The following ROBO1 variants were observed in gnomAD, a reference collection of about 807,000 sequenced individuals.
ROBO1 encodes the protein roundabout homolog 1.
ROBO1 carries 149 observed loss-of-function variants against 195.9 expected under a neutral mutation model. That is an observed-to-expected ratio of 0.76 (90% CI 0.67 to 0.87). ROBO1 has a LOEUF of 0.87. ROBO1 is among the 40% of genes least tolerant of loss of function. The pLI, the probability that ROBO1 is intolerant of heterozygous loss-of-function variation, is 0.00. For missense variants in ROBO1, 1,933 were observed against 2,068.3 expected (o/e 0.93, Z 1.27); for synonymous variants, 816 against 733.2 (o/e 1.11, Z -1.82).
At chr3:78,796,317 TA>T (rs531184943) in intron 4 of ROBO1, among the ~76,000 whole-genome samples, 3 of 38,758 alleles carry the variant, frequency 7.7e-5, no homozygotes, top group Non-Finnish European at 5.1e-5. Flanking sequence ...CACCTCTGGC[TA>T]AAAAAAAAAT....
chr3:79,255,143 G>C (rs1164815894), intron 2 of ROBO1, among the ~76,000 whole-genome samples: 1 of 152,118 alleles, frequency 6.6e-6, no homozygotes, highest in Non-Finnish European at 1.5e-5. Flanking sequence ...TATAAAGCCA[G>C]GATGAAAAAT....
chr3:79,745,047 G>A (rs1047489745), intron 1 of ROBO1, among the ~76,000 whole-genome samples: 8 of 152,202 alleles, frequency 5.3e-5, no homozygotes, highest in African/African-American at 1.9e-4. Context: ...AAGGGTGCTA[G>A]TTAAGTGTTT....
intron 3 of ROBO1, chr3:79,018,892 G>C (rs970331956): frequency 1.0e-6 from 1 of 994,470 alleles, no homozygotes; most frequent in Non-Finnish European, 1.2e-6. Flanking sequence ...AGCTGCTGAG[G>C]GAGGGCCAAA....
At chr3:79,266,883 A>G (rs1053039961) in intron 2 of ROBO1, among the ~76,000 whole-genome samples, 1 of 151,672 alleles carries the variant, frequency 6.6e-6, no homozygotes, top group African/African-American at 2.4e-5. Flanking sequence ...AGGGATAACT[A>G]TTTAAAAATC....
At chr3:79,561,746 C>A (rs180758137) in intron 2 of ROBO1, among the ~76,000 whole-genome samples, 2 of 152,158 alleles carry the variant, frequency 1.3e-5, no homozygotes, top group Admixed American at 1.3e-4. Context: ...AAATTAACAG[C>A]ACTATGGATA....
At chr3:79,713,775 A>G (rs1702370160) in intron 1 of ROBO1, among the ~76,000 whole-genome samples, 1 of 151,996 alleles carries the variant, frequency 6.6e-6, no homozygotes, top group African/African-American at 2.4e-5. Flanking sequence ...TTTGTATAAG[A>G]CGTAAGGAAT....
At chr3:79,481,756 T>C (rs774013365) in intron 2 of ROBO1, among the ~76,000 whole-genome samples, 6 of 152,192 alleles carry the variant, frequency 3.9e-5, no homozygotes, top group Non-Finnish European at 7.4e-5. Flanking sequence ...CTTTTAATCT[T>C]AGAGAAGCTG....
intron 3 of ROBO1, among the ~76,000 whole-genome samples, chr3:79,055,923 C>A (rs2078798928): frequency 6.6e-6 from 1 of 152,032 alleles, no homozygotes; most frequent in South Asian, 2.1e-4. Flanking sequence ...TGAACAGTTA[C>A]AACTTGAGAA....
chr3:78,659,297 C>A (rs1287039836), intron 17 of ROBO1, among the ~76,000 whole-genome samples: 1 of 152,126 alleles, frequency 6.6e-6, no homozygotes, highest in Non-Finnish European at 1.5e-5. Context: ...ACACAAATTT[C>A]ATAAAGAGGT....
intron 1 of ROBO1, among the ~76,000 whole-genome samples, chr3:79,622,951 CAGA>C (rs1186003962): frequency 6.6e-6 from 1 of 152,154 alleles, no homozygotes; most frequent in Non-Finnish European, 1.5e-5. Context: ...TCAGAGGTCC[CAGA>C]AGAAGGAGCC....
At chr3:78,930,321 A>G (rs1216299702) in intron 4 of ROBO1, among the ~76,000 whole-genome samples, 1 of 152,158 alleles carries the variant, frequency 6.6e-6, no homozygotes, top group Admixed American at 6.5e-5. Context: ...TGGGATGAAA[A>G]GACAAATGCT....
At chr3:79,293,767 A>G (rs2032402403) in intron 2 of ROBO1, among the ~76,000 whole-genome samples, 1 of 152,098 alleles carries the variant, frequency 6.6e-6, no homozygotes, top group Admixed American at 6.6e-5. Flanking sequence ...AATTAGAAAA[A>G]ACTACTTTGG....
At chr3:79,452,014 CTTTT>C (rs766753433) in intron 2 of ROBO1, among the ~76,000 whole-genome samples, 2 of 151,646 alleles carry the variant, frequency 1.3e-5, no homozygotes, top group African/African-American at 2.4e-5. Context: ...CCTTATGCAA[CTTTT>C]TTTTATTTTA....
intron 1 of ROBO1, among the ~76,000 whole-genome samples, chr3:79,671,686 C>T (rs1946636016): frequency 6.6e-6 from 1 of 151,666 alleles, no homozygotes; most frequent in African/African-American, 2.4e-5. Flanking sequence ...GCCATAATGT[C>T]AAAACTATAA....
intron 4 of ROBO1, among the ~76,000 whole-genome samples, chr3:78,925,876 CT>C (rs533952105): frequency 0.022 from 3,162 of 145,928 alleles, 72 homozygotes; most frequent in Middle Eastern, 0.13. Context: ...GCAAAATGTA[CT>C]TTTTTTTTTT....
chr3:78,612,716 A>G (rs1313185036), intron 28 of ROBO1, among the ~76,000 whole-genome samples: 1 of 152,218 alleles, frequency 6.6e-6, no homozygotes, highest in Non-Finnish European at 1.5e-5. Context: ...AGTTACCAAA[A>G]TATTGAAAGA....
At chr3:79,695,318 C>T (rs1947412114) in intron 1 of ROBO1, among the ~76,000 whole-genome samples, 1 of 151,622 alleles carries the variant, frequency 6.6e-6, no homozygotes, top group Non-Finnish European at 1.5e-5. Flanking sequence ...AGAATCTACT[C>T]TCGTAATCAA....
intron 1 of ROBO1, among the ~76,000 whole-genome samples, chr3:79,607,194 A>G (rs960671931): frequency 6.6e-5 from 10 of 151,348 alleles, no homozygotes; most frequent in African/African-American, 2.2e-4. Flanking sequence ...TGATTTTACT[A>G]TATGGAAAAA....
intron 2 of ROBO1, among the ~76,000 whole-genome samples, chr3:79,155,665 C>A (rs534204692): frequency 6.6e-6 from 1 of 151,584 alleles, no homozygotes; most frequent in African/African-American, 2.4e-5. Flanking sequence ...CCTAACAGTA[C>A]CCTAAAAGGC....
Sources: gnomAD v4.1 joint callset for allele counts (sites outside exome capture counted in the v4.1 genomes callset) on GRCh38, gnomAD v4.1.1 for gene constraint, MANE v1.5 for transcripts, NCBI Gene and HGNC (gene_info 2026-07-23, HGNC 2026-07-21) for gene names.